Variants in MIA2 observed in about 807,000 individuals in gnomAD.
MIA2 encodes the protein MIA SH3 domain ER export factor 2.
A neutral mutation model predicts 167.8 loss-of-function variants in MIA2; 127 were observed. That is an observed-to-expected ratio of 0.76 (90% CI 0.66 to 0.88). MIA2 has a LOEUF of 0.88. Among genes scored for constraint, MIA2 ranks in the 40% least tolerant of loss-of-function variants. MIA2 has a pLI of 0.00. For synonymous variants in MIA2, 552 were observed against 541.9 expected (o/e 1.02, Z -0.26); for missense variants, 1,690 against 1,624.7 (o/e 1.04, Z -0.69).
intron 6 of MIA2, among the ~76,000 whole-genome samples, chr14:39,268,122 G>A (rs1382851750): frequency 2.0e-5 from 3 of 151,900 alleles, no homozygotes; most frequent in African/African-American, 7.3e-5. Context: ...TATTTTTCAG[G>A]TCTAGTTTAT....
At chr14:39,236,421 A>G (rs1408107979) in intron 1 of MIA2, among the ~76,000 whole-genome samples, 1 of 152,194 alleles carries the variant, frequency 6.6e-6, no homozygotes, top group Non-Finnish European at 1.5e-5. Context: ...CACTAGGGCT[A>G]TGTGACCAAT....
chr14:39,337,740 T>A (rs1351017375), intron 25 of MIA2, among the ~76,000 whole-genome samples: 4 of 151,908 alleles, frequency 2.6e-5, no homozygotes, highest in African/African-American at 4.8e-5. Context: ...TTTTTCGAGA[T>A]GGAGTCTCAC....
intron 24 of MIA2, among the ~76,000 whole-genome samples, chr14:39,326,479 CT>C (rs1238189870): frequency 2.0e-5 from 3 of 151,940 alleles, no homozygotes; most frequent in Non-Finnish European, 2.9e-5. Context: ...CTGAAAAATA[CT>C]TTAGTAGCAA....
Position 39,303,454 on chromosome 14 carries a change from T to C in MIA2, c.2741-24T>C. ...ATTGTACTATTTTCCCAAATCATTG[T>C]TGTGCTTTTGATTTTCACTGTAGAT... is the stretch of plus-strand genomic sequence containing the variant. On this transcript the variant is annotated intron_variant, in intron 15 of 28. Coordinates refer to ENST00000640607, the MANE Select transcript of MIA2 (RefSeq NM_001329214.4). 2.5e-6 allele frequency: 4 copies of C among 1,586,286 alleles called. 1 individual carries two copies. In the South Asian group the frequency reaches 3.3e-5, roughly 13 times the overall value.
chr14:39,385,522 C>G, intron 23 of MIA2: 4 of 844,902 alleles, frequency 4.7e-6, no homozygotes, highest in Non-Finnish European at 8.3e-6. Flanking sequence ...TATCTCTGTT[C>G]CATTTTCATT....
At chr14:39,266,174 T>C (rs2055596533) in intron 6 of MIA2, 1 of 985,326 alleles carries the variant, frequency 1.0e-6, no homozygotes. Flanking sequence ...TAGGAGGAAG[T>C]ATCTGCTCCT....
At chr14:39,385,864 C>T in intron 23 of MIA2, 4 of 967,582 alleles carry the variant, frequency 4.1e-6, no homozygotes, top group Non-Finnish European at 5.1e-6. Context: ...CCCCCGCATG[C>T]CCCGTCCCCT....
chr14:39,367,168 C>T (rs2074839419), intron 23 of MIA2, among the ~76,000 whole-genome samples: 1 of 152,130 alleles, frequency 6.6e-6, no homozygotes, highest in Non-Finnish European at 1.5e-5. Context: ...GGGCAGCCTC[C>T]CTTGTGTGCT....
rs775505742 is a variant in MIA2, at chr14:39,314,804, A to ATGTGTGTGTG, written c.3180+6_3180+7insGTGTGTGTGT. 5 of 1,215,952 alleles carry ATGTGTGTGTG rather than the reference A, an allele frequency of 4.1e-6. No individual in the cohort carries two copies. Among genetic ancestry groups the ATGTGTGTGTG allele is most frequent in the Admixed American group, 2.7e-5 (1 of 37,616 alleles). The allele number at this position is 1,215,952 out of a possible 1,614,324, so 75.3% of individuals were successfully genotyped here. A position where few individuals can be genotyped will look rare whatever the true frequency, so the allele number is the denominator to read the frequency against. ...ATTCATTCTTATCAAGGGCAGGTAT[A>ATGTGTGTGTG]TATATATGTGTGTGTGTGTGTGTGT... On this transcript the variant is annotated splice_donor_region_variant and intron_variant, in intron 20 of 28. Coordinates refer to ENST00000640607, the MANE Select transcript of MIA2 (RefSeq NM_001329214.4).
chr14:39,246,029 C>G (rs910310980), intron 3 of MIA2, among the ~76,000 whole-genome samples: 1 of 152,060 alleles, frequency 6.6e-6, no homozygotes, highest in African/African-American at 2.4e-5. Context: ...GCAGAATACA[C>G]TGAAAGCATT....
Position 39,283,465 on chromosome 14 carries a change from A to G in MIA2, c.2130+3928A>G, listed in dbSNP as rs190362724. On this transcript the variant is annotated intron_variant, in intron 9 of 28. Transcript: ENST00000640607. ...TTCTCATCAATGTTATAATGAAACAATGTTGAAGAAAACAATGTTATTCAA... is the reference window on the plus strand; with the variant it reads ...TTCTCATCAATGTTATAATGAAACAGTGTTGAAGAAAACAATGTTATTCAA... 1.2e-4 allele frequency among the ~76,000 whole-genome samples: 19 copies of G among 152,318 alleles called. No individual in the cohort carries two copies. In the East Asian group the frequency reaches 2.5e-3, roughly 20 times the overall value.
In MIA2 at chr14:39,251,699, C is replaced by T. The variant is rs1002816808; in HGVS notation, c.1568-1049C>T. 3.9e-5 allele frequency among the ~76,000 whole-genome samples: 6 copies of T among 152,122 alleles called. No homozygotes were observed. In the East Asian group the frequency reaches 1.2e-3, roughly 29 times the overall value. ...TATGCTCTTGTTAAGTATTATCATC[C>T]ACAGGTGCTATTACTAAATTACTGG... On this transcript the variant is annotated intron_variant, in intron 4 of 28. Coordinates refer to ENST00000640607, the MANE Select transcript of MIA2 (RefSeq NM_001329214.4).
At chr14:39,344,941 A>C (rs540304912) in intron 25 of MIA2, among the ~76,000 whole-genome samples, 89 of 152,328 alleles carry the variant, frequency 5.8e-4, no homozygotes, top group Admixed American at 1.5e-3. Context: ...CCTGGGGACA[A>C]AGGGTGGCTG....
chr14:39,287,218 C>T (rs971852794), intron 9 of MIA2, among the ~76,000 whole-genome samples: 4 of 152,050 alleles, frequency 2.6e-5, no homozygotes, highest in Admixed American at 6.6e-5. Context: ...GGACTACAGG[C>T]GTGCACCACC....
chr14:39,347,665 A>G (rs765179569), intron 26 of MIA2, 48 bp from the exon 27 acceptor site: 2 of 1,586,742 alleles, frequency 1.3e-6, no homozygotes, highest in Non-Finnish European at 1.7e-6. Flanking sequence ...TACTCTAGGA[A>G]TAAAGTGATA....
downstream of MIA2, among the ~76,000 whole-genome samples, chr14:39,352,949 G>A (rs960740258): frequency 4.6e-5 from 7 of 152,226 alleles, no homozygotes; most frequent in East Asian, 1.4e-3. Context: ...AAGTTGTACA[G>A]TAGATCTCTT....
At chr14:39,269,917 C>T (rs2152698753) in intron 6 of MIA2, among the ~76,000 whole-genome samples, 1 of 152,244 alleles carries the variant, frequency 6.6e-6, no homozygotes, top group South Asian at 2.1e-4. Context: ...TACTTTTTGG[C>T]TATTATGAAT....
chr14:39,243,478 C>A (rs1035538920), intron 3 of MIA2, among the ~76,000 whole-genome samples: 1 of 152,168 alleles, frequency 6.6e-6, no homozygotes, highest in African/African-American at 2.4e-5. Flanking sequence ...CTCTGAAAGT[C>A]AGATGAAAAG....
At chr14:39,327,067 G>T in intron 25 of MIA2, 45 bp downstream of exon 25, 3 of 1,390,526 alleles carry the variant, frequency 2.2e-6, no homozygotes, top group Non-Finnish European at 2.8e-6. Flanking sequence ...AAGGCAGCTG[G>T]GATGTGGAAT....
Sources: gnomAD v4.1 joint callset for allele counts (sites outside exome capture counted in the v4.1 genomes callset) on GRCh38, gnomAD v4.1.1 for gene constraint, MANE v1.5 for transcripts, NCBI Gene and HGNC (gene_info 2026-07-23, HGNC 2026-07-21) for gene names.